Variants in GATAD2A observed in about 807,000 individuals in gnomAD.
GATAD2A encodes transcriptional repressor p66-alpha.
Under a neutral mutation model 68.5 loss-of-function variants are expected in GATAD2A, and 12 were observed. The observed-to-expected ratio is 0.18, with a 90% confidence interval of 0.11 to 0.28. GATAD2A has a LOEUF of 0.28. GATAD2A is among the 10% of genes least tolerant of loss of function. The pLI is 1.00. For synonymous variants in GATAD2A, 410 were observed against 375.3 expected (o/e 1.09, Z -1.07); for missense variants, 755 against 868.5 (o/e 0.87, Z 1.64).
At chr19:19,474,756 A>G (rs1600227810) in intron 2 of GATAD2A, among the ~76,000 whole-genome samples, 2 of 152,256 alleles carry the variant, frequency 1.3e-5, no homozygotes, top group South Asian at 4.1e-4. Flanking sequence ...GTCGTTTTAG[A>G]GAAACGACTG....
At chr19:19,481,414 T>C (rs1399469070) in intron 2 of GATAD2A, among the ~76,000 whole-genome samples, 7 of 152,198 alleles carry the variant, frequency 4.6e-5, no homozygotes, top group Non-Finnish European at 1.5e-5. Flanking sequence ...CACTGTAGCC[T>C]CCAGCTCCTG....
chr19:19,503,354 T>C (rs534056354), intron 11 of GATAD2A, among the ~76,000 whole-genome samples: 30 of 152,028 alleles, frequency 2.0e-4, no homozygotes, highest in African/African-American at 7.0e-4. Context: ...CCTGAGAGCC[T>C]GCTGAGCCTG....
chr19:19,480,637 C>T (rs1367194008), intron 2 of GATAD2A, among the ~76,000 whole-genome samples: 4 of 152,274 alleles, frequency 2.6e-5, no homozygotes, highest in East Asian at 3.9e-4. Context: ...TTCATGACTG[C>T]CCCCCGAGGT....
chr19:19,389,919 C>T (rs908059947), intron 1 of GATAD2A, among the ~76,000 whole-genome samples: 11 of 152,138 alleles, frequency 7.2e-5, no homozygotes, highest in African/African-American at 1.4e-4. Context: ...CATGCCACCA[C>T]GCCCGGCTAT....
chr19:19,487,022 C>T (rs1321137560), intron 2 of GATAD2A, among the ~76,000 whole-genome samples: 1 of 152,192 alleles, frequency 6.6e-6, no homozygotes, highest in Non-Finnish European at 1.5e-5. Flanking sequence ...AGCTCCAGGC[C>T]TCAGCTTGCT....
At chr19:19,460,594 C>T (rs1246288073) in intron 1 of GATAD2A, among the ~76,000 whole-genome samples, 1 of 152,174 alleles carries the variant, frequency 6.6e-6, no homozygotes, top group Non-Finnish European at 1.5e-5. Flanking sequence ...CATCGTGGGC[C>T]TCGCACTCAG....
rs909913262 is a variant in GATAD2A at position 19,505,987 on chromosome 19, T to A, written c.*513T>A. ...TAAGTTGAAAGATTTTTTTTTTTTTTAATCACCTCATGATGATGGAGTTAA... is the reference window on the plus strand; with the variant it reads ...TAAGTTGAAAGATTTTTTTTTTTTTAAATCACCTCATGATGATGGAGTTAA... On this transcript the variant is annotated 3_prime_UTR_variant, in exon 12 of 12. Transcript: ENST00000683918. 6.8e-5 allele frequency: 27 copies of A among 398,614 alleles called. No homozygotes were observed. Among genetic ancestry groups the A allele is most frequent in the Middle Eastern group, 6.3e-4 (1 of 1,588 alleles). 24.7% of individuals were successfully genotyped at this position (398,614 alleles called of 1,614,324 possible).
intron 1 of GATAD2A, among the ~76,000 whole-genome samples, chr19:19,425,094 A>C (rs2052916442): frequency 6.6e-6 from 1 of 152,140 alleles, no homozygotes; most frequent in African/African-American, 2.4e-5. Context: ...AAACTTGAGA[A>C]AACTTGCCAT....
intron 1 of GATAD2A, among the ~76,000 whole-genome samples, chr19:19,441,916 C>T (rs931634896): frequency 6.6e-6 from 1 of 151,890 alleles, no homozygotes; most frequent in African/African-American, 2.4e-5. Flanking sequence ...GGCTGGAGTG[C>T]AATGGCACGA....
intron 1 of GATAD2A, among the ~76,000 whole-genome samples, chr19:19,394,855 T>A (rs1401395662): frequency 6.6e-6 from 1 of 152,172 alleles, no homozygotes; most frequent in Non-Finnish European, 1.5e-5. Flanking sequence ...AGTGTATCTG[T>A]GAGAGGTGGG....
At chr19:19,465,276 C>T in intron 1 of GATAD2A, 64 bp from the exon 2 acceptor site, 4 of 1,265,156 alleles carry the variant, frequency 3.2e-6, no homozygotes, top group Non-Finnish European at 4.6e-6. Flanking sequence ...ACTGAAAAGT[C>T]TCCAAGAAGG....
chr19:19,503,644 C>CTGTGTGTGTGTGTG (rs58706182), intron 11 of GATAD2A, among the ~76,000 whole-genome samples: 140 of 148,712 alleles, frequency 9.4e-4, no homozygotes, highest in Admixed American at 7.2e-3. Flanking sequence ...CATCTGGAAG[C>CTGTGTGTGTGTGTG]TGTGTGTGTG....
exon 1 of GATAD2A, chr19:19,385,997 C>T (rs1051964046): frequency 6.6e-6 from 1 of 150,674 alleles, no homozygotes; most frequent in African/African-American, 2.4e-5. Flanking sequence ...GTCGTCTGTC[C>T]TGTCGCCGCT....
rs1568713171 is a variant in GATAD2A at position 19,414,836 on chromosome 19, C to CTTT, written c.-7+8817_-7+8818insTTT. The stretch of plus-strand genomic sequence containing the variant: ...AGGTGTGAGCCACCACACCCTGCCC[C>CTTT]CTTTTTTTTTTTTTTTTTTTTTTTG... On this transcript the variant is annotated intron_variant, in intron 1 of 11. Transcript: ENST00000683918. 6.0e-3 allele frequency among the ~76,000 whole-genome samples: 764 copies of CTTT among 127,220 alleles called. 31 individuals are homozygous for CTTT. Among genetic ancestry groups the CTTT allele is most frequent in the African/African-American group, 0.027 (708 of 26,504 alleles). 83.5% of individuals were successfully genotyped at this position (127,220 alleles called of 152,430 possible). A position where few individuals can be genotyped will look rare whatever the true frequency, so the allele number is the denominator to read the frequency against.
intron 1 of GATAD2A, among the ~76,000 whole-genome samples, chr19:19,387,898 C>T (rs753717656): frequency 1.3e-5 from 2 of 152,050 alleles, no homozygotes; most frequent in African/African-American, 2.4e-5. Flanking sequence ...TCCCGTCTCC[C>T]GATGGGAGAC....
At position 19,501,408 on chromosome 19, in the gene GATAD2A, C is replaced by T. The variant is rs1449110676; in HGVS notation, c.1495C>T (p.Leu499=). ...AEPTAAPHPV[L]KQVIKPRRKL... ...GCCCACCGCTGCCCCACACCCCGTG[C>T]TGAAGCAGGTGAGCCTGGCCTGCTG... The change falls in exon 9 of 12, where the codon CTG becomes TTG. Residue 499 remains leucine (L), a synonymous_variant. Coordinates refer to ENST00000683918, the MANE Select transcript of GATAD2A (RefSeq NM_001384528.1). The T allele has an allele frequency of 1.9e-6, 3 of 1,594,974 alleles. No individual in the cohort carries two copies. The highest frequency in any genetic ancestry group is 2.2e-5 in the South Asian group (2 of 89,310).
chr19:19,448,207 C>T (rs2055960021), intron 1 of GATAD2A, among the ~76,000 whole-genome samples: 3 of 152,238 alleles, frequency 2.0e-5, no homozygotes, highest in Admixed American at 1.3e-4. Flanking sequence ...ACTCTGGTCC[C>T]CATTTACCTG....
At chr19:19,469,055 CAGT>C (rs1234280067) in intron 2 of GATAD2A, among the ~76,000 whole-genome samples, 27 of 152,322 alleles carry the variant, frequency 1.8e-4, no homozygotes, top group Admixed American at 7.2e-4. Context: ...AAGTTAGCAT[CAGT>C]CTTATATAGA....
intron 1 of GATAD2A, among the ~76,000 whole-genome samples, chr19:19,413,019 G>A (rs1385514872): frequency 6.6e-6 from 1 of 152,142 alleles, no homozygotes; most frequent in Admixed American, 6.5e-5. Flanking sequence ...ATTTTAAGTC[G>A]AATAATTGTA....
Sources: gnomAD v4.1 joint callset for allele counts (sites outside exome capture counted in the v4.1 genomes callset) on GRCh38, gnomAD v4.1.1 for gene constraint, MANE v1.5 for transcripts, NCBI Gene and HGNC (gene_info 2026-07-23, HGNC 2026-07-21) for gene names.